The following CHRM3 variants were observed in gnomAD, a reference collection of about 807,000 sequenced individuals.
CHRM3 encodes cholinergic receptor muscarinic 3, also known as muscarinic acetylcholine receptor M3.
A neutral mutation model predicts 41.8 loss-of-function variants in CHRM3; 11 were observed. That is an observed-to-expected ratio of 0.26 (90% CI 0.17 to 0.44). The LOEUF (loss-of-function observed/expected upper bound fraction) is 0.44. CHRM3 is among the 20% of genes least tolerant of loss of function. The pLI, the probability that CHRM3 is intolerant of heterozygous loss-of-function variation, is 1.00. For synonymous variants in CHRM3, 297 were observed against 301.4 expected (o/e 0.99, Z 0.15); for missense variants, 571 against 745.4 (o/e 0.77, Z 2.72).
intron 3 of CHRM3, among the ~76,000 whole-genome samples, chr1:239,624,602 A>G (rs1668827460): frequency 6.6e-6 from 1 of 151,676 alleles, no homozygotes; most frequent in African/African-American, 2.4e-5. Flanking sequence ...GGTAATGCCT[A>G]GGTTTTCTTC....
At chr1:239,564,744 A>G (rs192496287) in intron 3 of CHRM3, among the ~76,000 whole-genome samples, 1 of 152,326 alleles carries the variant, frequency 6.6e-6, no homozygotes, top group East Asian at 1.9e-4. Context: ...AAGTATGTGA[A>G]AACACTTTTA....
At chr1:239,589,827 T>C (rs1312747172) in intron 3 of CHRM3, among the ~76,000 whole-genome samples, 2 of 151,480 alleles carry the variant, frequency 1.3e-5, no homozygotes, top group Non-Finnish European at 2.9e-5. Context: ...TATAGTTATA[T>C]ATACACATAT....
At chr1:239,468,393 A>G (rs1665883193) in intron 1 of CHRM3, among the ~76,000 whole-genome samples, 1 of 152,228 alleles carries the variant, frequency 6.6e-6, no homozygotes, top group South Asian at 2.1e-4. Flanking sequence ...TTCTATGAGT[A>G]ATGACTCAGT....
intron 5 of CHRM3, among the ~76,000 whole-genome samples, chr1:239,689,017 A>T (rs972300261): frequency 1.3e-5 from 2 of 150,856 alleles, no homozygotes; most frequent in Admixed American, 6.7e-5. Flanking sequence ...GGCTTGCAGT[A>T]TTATGATAAA....
intron 6 of CHRM3, among the ~76,000 whole-genome samples, chr1:239,867,022 C>T (rs894165463): frequency 6.6e-6 from 1 of 152,200 alleles, no homozygotes; most frequent in Non-Finnish European, 1.5e-5. Context: ...CTGCATCTGT[C>T]TGACTCTTCA....
At chr1:239,471,924 GTTA>G (rs2147944798) in intron 1 of CHRM3, among the ~76,000 whole-genome samples, 1 of 152,224 alleles carries the variant, frequency 6.6e-6, no homozygotes, top group East Asian at 1.9e-4. Flanking sequence ...TCACACACAG[GTTA>G]TTATCCACGT....
At chr1:239,733,438 C>A (rs1011908331) in intron 5 of CHRM3, among the ~76,000 whole-genome samples, 1 of 151,728 alleles carries the variant, frequency 6.6e-6, no homozygotes, top group Non-Finnish European at 1.5e-5. Context: ...TAATAAGGGG[C>A]AAGTGGTTAT....
chr1:239,838,676 C>A (rs1673531871), intron 6 of CHRM3, among the ~76,000 whole-genome samples: 1 of 152,136 alleles, frequency 6.6e-6, no homozygotes, highest in African/African-American at 2.4e-5. Context: ...GTAGACTTGG[C>A]ATCTTCTCCC....
At chr1:239,674,784 T>C (rs547383534) in intron 4 of CHRM3, among the ~76,000 whole-genome samples, 1 of 152,126 alleles carries the variant, frequency 6.6e-6, no homozygotes, top group South Asian at 2.1e-4. Flanking sequence ...TCAGGCCATT[T>C]CCTGTTGTAT....
intron 1 of CHRM3, among the ~76,000 whole-genome samples, chr1:239,453,831 G>A (rs760790774): frequency 6.6e-6 from 1 of 152,112 alleles, no homozygotes; most frequent in Admixed American, 6.5e-5. Flanking sequence ...GGGGAGGGGA[G>A]TGAGAGTAGG....
At chr1:239,637,873 A>G (rs1558405560) in intron 4 of CHRM3, among the ~76,000 whole-genome samples, 2 of 147,994 alleles carry the variant, frequency 1.4e-5, no homozygotes, top group Admixed American at 6.7e-5. Context: ...TTAACTCGTC[A>G]TTTAGCATTA....
At chr1:239,869,911 G>C (rs1676434591) in intron 6 of CHRM3, among the ~76,000 whole-genome samples, 1 of 152,138 alleles carries the variant, frequency 6.6e-6, no homozygotes, top group Non-Finnish European at 1.5e-5. Flanking sequence ...AATCTACAAA[G>C]GGAGTGATCA....
chr1:239,705,491 T>A (rs1354647698), intron 5 of CHRM3: 3 of 152,316 alleles, frequency 2.0e-5, no homozygotes, highest in Non-Finnish European at 2.9e-5. Context: ...CTGTTCCATG[T>A]CTGCCGCCTG....
intron 2 of CHRM3, among the ~76,000 whole-genome samples, chr1:239,534,188 C>G (rs1254118404): frequency 6.6e-6 from 1 of 152,078 alleles, no homozygotes; most frequent in Non-Finnish European, 1.5e-5. Flanking sequence ...ATTAGCCAGG[C>G]CTGGTGGCAG....
rs374753198 is a variant in CHRM3, at chr1:239,660,235, G to A, written c.-249-17951G>A. 6.6e-5 allele frequency among the ~76,000 whole-genome samples: 10 copies of A among 152,050 alleles called. No homozygotes were observed. In the East Asian group the frequency reaches 1.4e-3, roughly 21 times the overall value. On this transcript the variant is annotated intron_variant, in intron 4 of 6. Coordinates refer to ENST00000676153, the MANE Select transcript of CHRM3 (RefSeq NM_001375978.1). Reference sequence around the variant, plus strand: ...TGGCCTCAAGTGATCCTTCTACCTCGGCCTCCCAAAGTACTGGGATTACAG... The same window carrying A: ...TGGCCTCAAGTGATCCTTCTACCTCAGCCTCCCAAAGTACTGGGATTACAG...
chr1:239,684,331 A>C lies in CHRM3; in HGVS notation c.-147+6043A>C, dbSNP rs149518132. ...CACAACAAAGAATTATCCAGACCCAAATGTCTCAGGGATTGCCTTAAGGAT... is the reference window on the plus strand; with the variant it reads ...CACAACAAAGAATTATCCAGACCCACATGTCTCAGGGATTGCCTTAAGGAT... On this transcript the variant is annotated intron_variant, in intron 5 of 6. Transcript: ENST00000676153. 3.9e-5 allele frequency among the ~76,000 whole-genome samples: 6 copies of C among 152,176 alleles called. No homozygotes were observed. In the East Asian group the frequency reaches 1.2e-3, roughly 29 times the overall value.
At chr1:239,542,215 T>C (rs1658851236) in intron 2 of CHRM3, among the ~76,000 whole-genome samples, 1 of 152,168 alleles carries the variant, frequency 6.6e-6, no homozygotes, top group African/African-American at 2.4e-5. Context: ...ATTATATACA[T>C]TATGTTCAAA....
At position 239,895,297 on chromosome 1, in the gene CHRM3, GTT is replaced by G. The variant is rs566315722; in HGVS notation, c.-19-12134_-19-12133del. Among the ~76,000 whole-genome samples, 604 of 151,506 alleles carry G rather than the reference GTT, an allele frequency of 4.0e-3. 5 individuals carry two copies. Among genetic ancestry groups the G allele is most frequent in the African/African-American group, 0.013 (543 of 40,778 alleles). On this transcript the variant is annotated intron_variant, in intron 6 of 6. Transcript: ENST00000676153. Reference sequence around the variant, plus strand: ...ATCCCTCCCGAGTGCCACTGGGAGAGTTTGGGAGAAAGCCCGAATTTGTTTCT... The same window carrying G: ...ATCCCTCCCGAGTGCCACTGGGAGAGTGGGAGAAAGCCCGAATTTGTTTCT...
At chr1:239,763,932 TA>T (rs969710596) in intron 5 of CHRM3, among the ~76,000 whole-genome samples, 38 of 149,992 alleles carry the variant, frequency 2.5e-4, no homozygotes, top group African/African-American at 6.8e-4. Flanking sequence ...CCCCATCTCT[TA>T]AAAAAAAATT....
Sources: allele counts gnomAD v4.1 joint callset (sites outside exome capture counted in the v4.1 genomes callset), GRCh38; gene constraint gnomAD v4.1.1; transcripts MANE v1.5; gene names NCBI Gene and HGNC (gene_info 2026-07-23, HGNC 2026-07-21).